The following MAGI2 variants were observed in gnomAD, a reference collection of about 807,000 sequenced individuals.
MAGI2 encodes membrane associated guanylate kinase, WW and PDZ domain containing 2, also known as membrane-associated guanylate kinase, WW and PDZ domain-containing protein 2.
A neutral mutation model predicts 133.3 loss-of-function variants in MAGI2; 35 were observed. That is an observed-to-expected ratio of 0.26 (90% confidence interval 0.20 to 0.35). The LOEUF is 0.35. Ranked by LOEUF, MAGI2 falls within the 10% of genes least tolerant of loss-of-function variation. The probability of loss-of-function intolerance (pLI) is 1.00; values close to 1 mark genes in which losing one functional copy is unlikely to be tolerated. For synonymous variants in MAGI2, 729 were observed against 710.6 expected (o/e 1.03, Z -0.41); for missense variants, 1,636 against 1,863.4 (o/e 0.88, Z 2.25).
intron 1 of MAGI2, among the ~76,000 whole-genome samples, chr7:79,142,930 T>C (rs1822274209): frequency 6.6e-6 from 1 of 152,218 alleles, no homozygotes; most frequent in Non-Finnish European, 1.5e-5. Context: ...AAGTGACACA[T>C]GTCATCTTTC....
At chr7:78,765,315 A>T (rs1305801391) in intron 2 of MAGI2, among the ~76,000 whole-genome samples, 1 of 143,946 alleles carries the variant, frequency 6.9e-6, no homozygotes, top group East Asian at 2.0e-4. Flanking sequence ...TCATTCAGTC[A>T]GTCATTTAAC....
intron 1 of MAGI2, among the ~76,000 whole-genome samples, chr7:79,382,451 C>A (rs1843859201): frequency 6.6e-6 from 1 of 151,534 alleles, no homozygotes; most frequent in African/African-American, 2.4e-5. Context: ...ACCAGACATA[C>A]AGTACCCAAC....
chr7:78,246,256 A>T (rs1418412648), intron 10 of MAGI2, among the ~76,000 whole-genome samples: 1 of 152,126 alleles, frequency 6.6e-6, no homozygotes, highest in Non-Finnish European at 1.5e-5. Context: ...GGCTGTCCAG[A>T]GGAGTCATGT....
intron 6 of MAGI2, among the ~76,000 whole-genome samples, chr7:78,434,474 A>T (rs549260723): frequency 2.2e-4 from 34 of 152,282 alleles, no homozygotes; most frequent in Admixed American, 9.8e-4. Context: ...TGGCTTGGGC[A>T]GCTCCCCCTG....
At chr7:79,316,498 C>T (rs762502991) in intron 1 of MAGI2, among the ~76,000 whole-genome samples, 20 of 152,056 alleles carry the variant, frequency 1.3e-4, no homozygotes, top group South Asian at 6.2e-4. Flanking sequence ...TATATTCATA[C>T]GCACATACAT....
At chr7:79,360,669 T>C (rs1842322631) in intron 1 of MAGI2, among the ~76,000 whole-genome samples, 1 of 152,088 alleles carries the variant, frequency 6.6e-6, no homozygotes, top group Non-Finnish European at 1.5e-5. Flanking sequence ...CATATGTATA[T>C]TGTAACACCC....
At chr7:78,701,181 A>C (rs115526268) in intron 2 of MAGI2, among the ~76,000 whole-genome samples, 281 of 151,938 alleles carry the variant, frequency 1.8e-3, no homozygotes, top group African/African-American at 6.5e-3. Context: ...ATCAAAGGTT[A>C]AATCTATTTT....
intron 21 of MAGI2, among the ~76,000 whole-genome samples, chr7:78,050,138 T>C (rs930381732): frequency 9.2e-5 from 14 of 152,214 alleles, no homozygotes; most frequent in African/African-American, 3.4e-4. Flanking sequence ...TCTATTTTTC[T>C]CATCTAAAAG....
At chr7:78,805,912 C>T (rs1289109119) in intron 2 of MAGI2, among the ~76,000 whole-genome samples, 2 of 152,180 alleles carry the variant, frequency 1.3e-5, no homozygotes, top group Non-Finnish European at 2.9e-5. Flanking sequence ...TGGCAAACAT[C>T]TTCCCTACAA....
At chr7:79,185,262 T>C (rs1585145541) in intron 1 of MAGI2, among the ~76,000 whole-genome samples, 1 of 151,856 alleles carries the variant, frequency 6.6e-6, no homozygotes, top group East Asian at 1.9e-4. Context: ...GGAAATGAAA[T>C]GCGTATCTCC....
rs1382143375 is a variant in MAGI2 at position 78,172,310 on chromosome 7, A to G, written c.2404-4202T>C. Among the ~76,000 whole-genome samples, 3 of 152,174 alleles carry G rather than the reference A, an allele frequency of 2.0e-5. No homozygotes were observed. In the East Asian group the frequency reaches 5.8e-4, roughly 29 times the overall value. ...TCTGTAGTATCTGTAGCCTGGGACA[A>G]CTTGCCACTATGGCGAGCAGATTTC... On this transcript the variant is annotated intron_variant, in intron 14 of 21. Transcript: ENST00000354212.
At chr7:78,569,125 A>AAC (rs56351234) in intron 3 of MAGI2, among the ~76,000 whole-genome samples, 4,620 of 148,070 alleles carry the variant, frequency 0.031, 185 homozygotes, top group African/African-American at 0.097. Flanking sequence ...TGTGCATGCC[A>AAC]ACACACACAC....
chr7:79,163,523 T>C (rs563457847), intron 1 of MAGI2, among the ~76,000 whole-genome samples: 135 of 152,216 alleles, frequency 8.9e-4, no homozygotes, highest in African/African-American at 3.1e-3. Flanking sequence ...GGATTTGATT[T>C]ATAACCTCCT....
chr7:78,309,100 C>T (rs13230717), intron 9 of MAGI2, among the ~76,000 whole-genome samples: 35,747 of 152,108 alleles, frequency 0.24, 5,156 homozygotes, highest in Middle Eastern at 0.38. Flanking sequence ...GAATGTAAAT[C>T]AGTTCAGCTA....
chr7:79,229,645 G>A (rs1178241307), intron 1 of MAGI2, among the ~76,000 whole-genome samples: 1 of 152,150 alleles, frequency 6.6e-6, no homozygotes, highest in Non-Finnish European at 1.5e-5. Flanking sequence ...AATTGACCAA[G>A]AATCAGATTC....
intron 2 of MAGI2, among the ~76,000 whole-genome samples, chr7:78,655,359 C>A (rs1438843904): frequency 6.7e-6 from 1 of 149,596 alleles, no homozygotes; most frequent in Non-Finnish European, 1.5e-5. Flanking sequence ...CTTCATCATT[C>A]TCTCCTTTCT....
intron 2 of MAGI2, among the ~76,000 whole-genome samples, chr7:78,630,413 CT>C (rs35696228): frequency 0.015 from 1,698 of 112,276 alleles, 12 homozygotes; most frequent in Non-Finnish European, 0.019. Context: ...TTGTGTTTAA[CT>C]TTTTTTTTTT....
intron 9 of MAGI2, among the ~76,000 whole-genome samples, chr7:78,305,784 T>A (rs935110380): frequency 1.3e-5 from 2 of 152,188 alleles, no homozygotes; most frequent in Admixed American, 6.5e-5. Flanking sequence ...GCATACCTGA[T>A]TGGTAATATA....
chr7:79,001,147 C>T lies in MAGI2; in HGVS notation c.418+5943G>A, dbSNP rs1374818018. ...GGCCAGGATGGTCTCGATCTCTTGA[C>T]CTTGTGATCCTCCTGCCTCGGCCTC... On this transcript the variant is annotated intron_variant, in intron 2 of 21. Transcript: ENST00000354212. Among the ~76,000 whole-genome samples the T allele has an allele frequency of 2.0e-5, 3 of 152,090 alleles. No homozygotes were observed. In the East Asian group the frequency reaches 5.8e-4, roughly 29 times the overall value.
Sources: allele counts gnomAD v4.1 joint callset (sites outside exome capture counted in the v4.1 genomes callset), GRCh38; gene constraint gnomAD v4.1.1; transcripts MANE v1.5; gene names NCBI Gene and HGNC (gene_info 2026-07-23, HGNC 2026-07-21).